CMBL: variants seen among roughly 807,000 people sequenced by gnomAD.
The protein encoded by CMBL is carboxymethylenebutenolidase homolog.
CMBL carries 17 observed loss-of-function variants against 28.7 expected under a neutral mutation model. That is an observed-to-expected ratio of 0.59 (90% confidence interval 0.41 to 0.89). The LOEUF is 0.89. Ranked by LOEUF, CMBL falls within the 40% of genes least tolerant of loss-of-function variation. The probability of loss-of-function intolerance (pLI) is 0.00; values close to 1 mark genes in which losing one functional copy is unlikely to be tolerated. For missense variants in CMBL, 310 were observed against 298.5 expected, an observed-to-expected ratio of 1.04 and a Z score of -0.28; for synonymous variants, 106 against 101.6, an observed-to-expected ratio of 1.04 and a Z score of -0.26.
intron 4 of CMBL, among the ~76,000 whole-genome samples, chr5:10,283,189 G>C (rs1746531466): frequency 6.6e-6 from 1 of 152,032 alleles, no homozygotes; most frequent in Non-Finnish European, 1.5e-5. Flanking sequence ...CTGGGAATCA[G>C]GCCATTAAAT....
At chr5:10,303,250 T>C (rs1447782479) in intron 1 of CMBL, among the ~76,000 whole-genome samples, 1 of 152,224 alleles carries the variant, frequency 6.6e-6, no homozygotes, top group Non-Finnish European at 1.5e-5. Context: ...CTCACATGTA[T>C]TGATCGAGTT....
Position 10,286,424 on chromosome 5 carries a change from G to A in CMBL, c.396C>T (p.Cys132=). 1.2e-6 allele frequency: 2 copies of A among 1,613,976 alleles called. No homozygotes were observed. Among genetic ancestry groups the A allele is most frequent in the Non-Finnish European group, 1.7e-6 (2 of 1,179,884 alleles). Residue 132 remains cysteine, a synonymous_variant, in exon 4 of 6, where the codon TGC becomes TGT. Transcript: ENST00000296658. ...AATGATGGACAGCAGTTCCACCCCAGCAGAATCCCACGATGCCAATTTTCT... is the reference window on the plus strand; with the variant it reads ...AATGATGGACAGCAGTTCCACCCCAACAGAATCCCACGATGCCAATTTTCT... ...HAQKIGIVGF[C]WGGTAVHHLM... is the part of the protein sequence containing the mutation.
At chr5:10,284,993 C>CTT (rs546728467) in intron 4 of CMBL, among the ~76,000 whole-genome samples, 8 of 142,972 alleles carry the variant, frequency 5.6e-5, no homozygotes, top group African/African-American at 1.8e-4. Flanking sequence ...GCTTTCTTTC[C>CTT]TTTTTTTTTT....
Position 10,293,694 on chromosome 5 carries a change from A to C in CMBL, c.-19-2913T>G, listed in dbSNP as rs1579474795. On this transcript the variant is annotated intron_variant, in intron 1 of 5. Transcript: ENST00000296658. The stretch of plus-strand genomic sequence containing the variant: ...TGAATACATCAATAGAACAGACCAA[A>C]GACTCTAGAACCAGACTCATGTGTA... Among the ~76,000 whole-genome samples the C allele has an allele frequency of 5.2e-5, 8 of 152,386 alleles. No homozygotes were observed. The South Asian group carries it at 1.7e-3, about 32-fold the overall frequency.
In CMBL at chr5:10,289,968, C is replaced by T. The variant is rs1746676195; in HGVS notation, c.215+580G>A. Among the ~76,000 whole-genome samples, 1 of 152,194 alleles carries T rather than the reference C, an allele frequency of 6.6e-6. No homozygotes were observed. The highest frequency in any genetic ancestry group is 2.4e-5 in the African/African-American group (1 of 41,450). On this transcript the variant is annotated intron_variant, in intron 2 of 5. Coordinates refer to ENST00000296658, the MANE Select transcript of CMBL (RefSeq NM_138809.4). The surrounding 1 kb of genome is among the most constrained non-coding windows in gnomAD (Gnocchi z 4.3). ...TTCTGGCCCTCCTCTGCGCTTTACACCGGGGCAAATAAGAAGCAATCGGGT... is the reference window on the plus strand; with the variant it reads ...TTCTGGCCCTCCTCTGCGCTTTACATCGGGGCAAATAAGAAGCAATCGGGT...
At chr5:10,282,689 T>G (rs1746517426) in intron 4 of CMBL, among the ~76,000 whole-genome samples, 1 of 151,674 alleles carries the variant, frequency 6.6e-6, no homozygotes, top group African/African-American at 2.4e-5. Context: ...GGGACTAAGG[T>G]GGGCGGATTG....
At chr5:10,299,422 A>G (rs1746857216) in intron 1 of CMBL, among the ~76,000 whole-genome samples, 1 of 152,202 alleles carries the variant, frequency 6.6e-6, no homozygotes, top group Non-Finnish European at 1.5e-5. Flanking sequence ...ATGATGGTAC[A>G]CTTGTAGGGA....
At chr5:10,294,324 C>T (rs571893478) in intron 1 of CMBL, among the ~76,000 whole-genome samples, 6 of 152,068 alleles carry the variant, frequency 3.9e-5, no homozygotes, top group Admixed American at 6.6e-5. Flanking sequence ...CCTGTAATCT[C>T]AATACTTTGG....
At chr5:10,280,917 G>A (rs927428880) in intron 5 of CMBL, among the ~76,000 whole-genome samples, 9 of 152,152 alleles carry the variant, frequency 5.9e-5, no homozygotes. Context: ...GGGATGACAG[G>A]CACCCGCCAC....
chr5:10,305,490 C>T (rs1008392986), intron 1 of CMBL, among the ~76,000 whole-genome samples: 1 of 151,442 alleles, frequency 6.6e-6, no homozygotes, highest in Non-Finnish European at 1.5e-5. Context: ...GAAGGAGCCT[C>T]ACTCTGCCTA....
chr5:10,304,692 C>A (rs1309117314), intron 1 of CMBL, among the ~76,000 whole-genome samples: 1 of 152,186 alleles, frequency 6.6e-6, no homozygotes, highest in Non-Finnish European at 1.5e-5. Flanking sequence ...GTGGCTCACA[C>A]CTGTAATCCC....
intron 1 of CMBL, among the ~76,000 whole-genome samples, chr5:10,295,141 T>C (rs1329711701): frequency 1.3e-5 from 2 of 151,934 alleles, no homozygotes; most frequent in East Asian, 1.9e-4. Context: ...TGGAGCGTAG[T>C]GGCATGATCT....
In CMBL at chr5:10,290,558, T is replaced by C. The variant is rs1746691822; in HGVS notation, c.205A>G (p.Asn69Asp). The change falls in exon 2 of 6, where the codon AAT becomes GAT. Residue 69 changes from asparagine (N) to aspartate (D), a missense_variant. Asn to Asp is a conservative substitution (Grantham distance 23). Coordinates refer to ENST00000296658, the MANE Select transcript of CMBL (RefSeq NM_138809.4). Reference protein sequence around the residue: ...TRYIADMISGNGYTTIVPDFF... With the variant: ...TRYIADMISGDGYTTIVPDFF... ...CAACTTTATACATACGTGTATCCATTTCCTGAGATCATGTCAGCTATATAT... is the reference window on the plus strand; with the variant it reads ...CAACTTTATACATACGTGTATCCATCTCCTGAGATCATGTCAGCTATATAT... The C allele has an allele frequency of 6.2e-7, 1 of 1,612,760 alleles. No individual in the cohort carries two copies. The highest frequency in any genetic ancestry group is 8.5e-7 in the Non-Finnish European group (1 of 1,178,782).
chr5:10,278,490 AC>A lies in CMBL; in HGVS notation c.*1962del, dbSNP rs1371863787. On this transcript the variant is annotated 3_prime_UTR_variant, in exon 6 of 6. Coordinates refer to ENST00000296658, the MANE Select transcript of CMBL (RefSeq NM_138809.4). ...CGGGGCTCATGCCTGCTTGCTCTAAACCCCCCAGTTAGAACCTCCAGGGGAA... is the reference window on the plus strand; with the variant it reads ...CGGGGCTCATGCCTGCTTGCTCTAAACCCCCAGTTAGAACCTCCAGGGGAA... Among the ~76,000 whole-genome samples, 1 of 151,060 alleles carries A rather than the reference AC, an allele frequency of 6.6e-6. No individual in the cohort carries two copies. The highest frequency in any genetic ancestry group is 6.6e-5 in the Admixed American group (1 of 15,138).
At chr5:10,288,797 C>G (rs1211414994) in intron 2 of CMBL, among the ~76,000 whole-genome samples, 1 of 152,192 alleles carries the variant, frequency 6.6e-6, no homozygotes, top group Admixed American at 6.5e-5. Flanking sequence ...GGCACACTCC[C>G]ATGGGATAGG....
Position 10,277,596 on chromosome 5 carries a change from CTCTT to C in CMBL, c.*2853_*2856del, listed in dbSNP as rs1746418216. ...TTATTAAAATTAATTTCACTTGTGT[CTCTT>C]TCCTTTTTTTAATGGGGCTATAAGA... On this transcript the variant is annotated 3_prime_UTR_variant, in exon 6 of 6. Transcript: ENST00000296658. 1.3e-5 allele frequency among the ~76,000 whole-genome samples: 2 copies of C among 151,736 alleles called. No homozygotes were observed. The highest frequency in any genetic ancestry group is 6.6e-5 in the Admixed American group (1 of 15,226).
At chr5:10,303,195 CGATCTTT>C (rs1453320947) in intron 1 of CMBL, among the ~76,000 whole-genome samples, 2 of 152,196 alleles carry the variant, frequency 1.3e-5, no homozygotes, top group African/African-American at 2.4e-5. Context: ...CTGCCATCCC[CGATCTTT>C]GAGTTGTCCC....
intron 1 of CMBL, among the ~76,000 whole-genome samples, chr5:10,306,202 A>G (rs753460923): frequency 2.6e-5 from 4 of 152,164 alleles, no homozygotes; most frequent in Non-Finnish European, 5.9e-5. Context: ...CTAAGGATTC[A>G]AATAACTCAC....
Position 10,280,633 on chromosome 5 carries a change from C to G in CMBL, c.559-1G>C. ...TCAACTTCTGAGTCAGCAAAGATACCTGGTGTGCAAAAGATTTCATGATTT... is the reference window on the plus strand; with the variant it reads ...TCAACTTCTGAGTCAGCAAAGATACGTGGTGTGCAAAAGATTTCATGATTT... On this transcript the variant is annotated splice_acceptor_variant, in intron 5 of 5. Coordinates refer to ENST00000296658, the MANE Select transcript of CMBL (RefSeq NM_138809.4). LOFTEE classifies it high-confidence loss of function. The G allele has an allele frequency of 1.3e-6, 2 of 1,595,416 alleles. No homozygotes were observed. The highest frequency in any genetic ancestry group is 1.7e-6 in the Non-Finnish European group (2 of 1,164,838).
Sources: gnomAD v4.1 joint callset for allele counts (sites outside exome capture counted in the v4.1 genomes callset) on GRCh38, gnomAD v4.1.1 for gene constraint, Gnocchi (gnomAD v3.1) non-coding constraint, MANE v1.5 for transcripts, NCBI Gene and HGNC (gene_info 2026-07-23, HGNC 2026-07-21) for gene names.